The following TDRD7 variants were observed in gnomAD, a reference collection of about 807,000 sequenced individuals.
The protein encoded by TDRD7 is tudor domain-containing protein 7.
TDRD7 carries 47 observed loss-of-function variants against 109.8 expected under a neutral mutation model. The ratio of observed to expected loss-of-function variants is 0.43; its 90% confidence interval spans 0.34 to 0.55. The LOEUF is 0.55. Ranked by LOEUF, TDRD7 falls within the 20% of genes least tolerant of loss-of-function variation. TDRD7 has a pLI of 0.03. For synonymous variants in TDRD7, 424 were observed against 457.3 expected, an observed-to-expected ratio of 0.93 and a Z score of 0.93; for missense variants, 1,164 against 1,319.2, an observed-to-expected ratio of 0.88 and a Z score of 1.82.
chr9:97,478,417 G>C, intron 12 of TDRD7, 22 bp from the exon 13 acceptor site: 5 of 1,613,910 alleles, frequency 3.1e-6, no homozygotes, highest in Non-Finnish European at 4.2e-6. Context: ...TAATAAATGA[G>C]CCAACACTTA....
chr9:97,486,989 G>C (rs1301780599), intron 15 of TDRD7, among the ~76,000 whole-genome samples, 183 bp from the exon 16 acceptor site: 1 of 152,214 alleles, frequency 6.6e-6, no homozygotes, highest in Non-Finnish European at 1.5e-5. Flanking sequence ...GCAAAGCAGA[G>C]AATAGTAAGC....
At chr9:97,469,720 A>T (rs535775298) in intron 8 of TDRD7, among the ~76,000 whole-genome samples, 1 of 152,290 alleles carries the variant, frequency 6.6e-6, no homozygotes, top group South Asian at 2.1e-4. Flanking sequence ...TCTAAACCAT[A>T]GCTTAATGTT....
intron 5 of TDRD7, among the ~76,000 whole-genome samples, chr9:97,440,767 C>G: frequency 6.6e-6 from 1 of 152,090 alleles, no homozygotes; most frequent in East Asian, 1.9e-4. Flanking sequence ...TTAAAATATG[C>G]ATATATTTTG....
chr9:97,478,702 T>G, intron 13 of TDRD7, 129 bp downstream of exon 13: 2 of 1,331,512 alleles, frequency 1.5e-6, no homozygotes, highest in Non-Finnish European at 2.1e-6. Context: ...CAAATGTGGT[T>G]GTCTGCTGGT....
At chr9:97,417,653 T>C (rs929783692) in intron 1 of TDRD7, among the ~76,000 whole-genome samples, 1 of 151,990 alleles carries the variant, frequency 6.6e-6, no homozygotes, top group African/African-American at 2.4e-5. Flanking sequence ...CCCAGGAAAA[T>C]GAGTGAGCAG....
chr9:97,452,573 TAA>T (rs1157081814), intron 6 of TDRD7, among the ~76,000 whole-genome samples: 2 of 152,182 alleles, frequency 1.3e-5, no homozygotes, highest in Non-Finnish European at 2.9e-5. Context: ...AAGAATAATA[TAA>T]AACTGCTGAG....
At chr9:97,482,377 C>T (rs528284875) in intron 14 of TDRD7, among the ~76,000 whole-genome samples, 3 of 152,126 alleles carry the variant, frequency 2.0e-5, no homozygotes, top group Non-Finnish European at 4.4e-5. Flanking sequence ...TTTTCCTTCC[C>T]TTCCCAGTCT....
At chr9:97,419,987 T>C (rs536261094) in intron 1 of TDRD7, among the ~76,000 whole-genome samples, 1 of 152,190 alleles carries the variant, frequency 6.6e-6, no homozygotes, top group Non-Finnish European at 1.5e-5. Context: ...AGCATTATTA[T>C]AGATACTAGA....
At chr9:97,446,659 C>G (rs1363895648) in intron 6 of TDRD7, among the ~76,000 whole-genome samples, 1 of 152,148 alleles carries the variant, frequency 6.6e-6, no homozygotes, top group African/African-American at 2.4e-5. Context: ...AGCAGTTTCT[C>G]TAATATCAAA....
intron 7 of TDRD7, among the ~76,000 whole-genome samples, chr9:97,462,990 G>T (rs1042512834): frequency 2.6e-5 from 4 of 152,258 alleles, no homozygotes; most frequent in African/African-American, 9.6e-5. Context: ...GCACTAGGGG[G>T]AGGCCCAGTG....
chr9:97,420,364 T>TGGGGGGGGG (rs34308257), intron 1 of TDRD7, among the ~76,000 whole-genome samples: 7 of 66,860 alleles, frequency 1.0e-4, no homozygotes, highest in Admixed American at 1.7e-4. Flanking sequence ...AACTTTTTTT[T>TGGGGGGGGG]GGGGGGGGCG....
chr9:97,433,249 T>C (rs1488557416), intron 4 of TDRD7, among the ~76,000 whole-genome samples: 1 of 152,026 alleles, frequency 6.6e-6, no homozygotes, highest in East Asian at 1.9e-4. Context: ...GAGTTGGTAC[T>C]AATTTTTTAT....
chr9:97,439,221 CT>C (rs757286630), intron 4 of TDRD7, 23 bp from the exon 5 acceptor site: 135,146 of 985,584 alleles, frequency 0.14, no homozygotes, highest in South Asian at 0.17. Flanking sequence ...ATTTATTTTA[CT>C]TTTTTTTTTT....
chr9:97,424,577 C>G (rs563824786), intron 1 of TDRD7, among the ~76,000 whole-genome samples: 19 of 152,258 alleles, frequency 1.2e-4, no homozygotes, highest in Admixed American at 1.1e-3. Flanking sequence ...TGTAATGTCT[C>G]TCTTTATCTC....
intron 6 of TDRD7, among the ~76,000 whole-genome samples, chr9:97,445,179 G>A (rs1176319124): frequency 5.3e-5 from 8 of 152,204 alleles, no homozygotes; most frequent in Non-Finnish European, 1.5e-5. Flanking sequence ...GCAGATCAAG[G>A]ACACTGCACT....
intron 4 of TDRD7, among the ~76,000 whole-genome samples, chr9:97,435,157 C>A (rs1361702778): frequency 2.0e-5 from 3 of 151,942 alleles, no homozygotes; most frequent in Non-Finnish European, 4.4e-5. Context: ...ACACACACAT[C>A]CATATGCAAC....
Position 97,460,370 on chromosome 9 carries a change from G to T in TDRD7, c.1048G>T (p.Val350Leu). The T allele has an allele frequency of 6.2e-7, 1 of 1,614,186 alleles. No homozygotes were observed. The change falls in exon 7 of 17, where the codon GTG becomes TTG. Residue 350 changes from valine to leucine, a missense_variant. Val to Leu is a conservative substitution (Grantham distance 32). This residue lies in a region of TDRD7 where 407 missense variants were observed against 394.0 expected (regional missense o/e 1.03). Transcript: ENST00000355295. ...TAAAGAAAAAGTGGCAGACCTGCTG[G>T]TGAAATACACAAGTGGCCTTTGGGC... ...DFKEKVADLLVKYTSGLWASA... is the reference protein window; with the variant it reads ...DFKEKVADLLLKYTSGLWASA...
intron 2 of TDRD7, among the ~76,000 whole-genome samples, chr9:97,430,437 A>G (rs1429570337): frequency 1.3e-5 from 2 of 152,212 alleles, no homozygotes; most frequent in Non-Finnish European, 2.9e-5. Context: ...CAGCAGATCC[A>G]TCACAGAGGC....
intron 7 of TDRD7, among the ~76,000 whole-genome samples, chr9:97,461,287 GA>G (rs549312220): frequency 3.4e-4 from 51 of 152,222 alleles, no homozygotes; most frequent in African/African-American, 1.2e-3. Flanking sequence ...ATATGAACTT[GA>G]AAAAAAGATT....
Sources: gnomAD v4.1 joint callset for allele counts (sites outside exome capture counted in the v4.1 genomes callset) on GRCh38, gnomAD v4.1.1 for gene constraint, gnomAD v4.1.1 regional missense constraint, MANE v1.5 for transcripts, NCBI Gene and HGNC (gene_info 2026-07-23, HGNC 2026-07-21) for gene names.